The following PEX7 variants were observed in gnomAD, a reference collection of about 807,000 sequenced individuals.
PEX7 encodes PTS2 receptor.
Under a neutral mutation model 47.5 loss-of-function variants are expected in PEX7, and 34 were observed. The ratio of observed to expected loss-of-function variants is 0.72; its 90% confidence interval spans 0.54 to 0.95. The LOEUF is 0.95. Ranked by LOEUF, PEX7 falls within the 40% of genes least tolerant of loss-of-function variation. PEX7 has a pLI of 0.00. For synonymous variants in PEX7, 141 were observed against 148.8 expected (o/e 0.95, Z 0.38); for missense variants, 394 against 400.3 (o/e 0.98, Z 0.13).
In PEX7 at chr6:136,909,499, C is replaced by A. The variant is rs531695788; in HGVS notation, c.904-3959C>A. On this transcript the variant is annotated intron_variant, in intron 9 of 9. Transcript: ENST00000318471. ...TAATTAATAAGAGGTCCCCTGGGGA[C>A]CACATGGCACAATAGTTTTTCCTTA... Among the ~76,000 whole-genome samples the A allele has an allele frequency of 2.0e-5, 3 of 152,240 alleles. No individual in the cohort carries two copies. The East Asian group carries it at 5.8e-4, about 29-fold the overall frequency.
At chr6:136,856,183 C>G (rs968980504) in intron 5 of PEX7, among the ~76,000 whole-genome samples, 1 of 150,842 alleles carries the variant, frequency 6.6e-6, no homozygotes, top group African/African-American at 2.4e-5. Context: ...AACAGAATGA[C>G]TGTTTGCTTC....
At chr6:136,840,056 A>G (rs1235213293) in intron 3 of PEX7, among the ~76,000 whole-genome samples, 1 of 152,214 alleles carries the variant, frequency 6.6e-6, no homozygotes, top group Non-Finnish European at 1.5e-5. Flanking sequence ...CAAATGAAAG[A>G]GCATGCTTGA....
chr6:136,825,296 G>A lies in PEX7; in HGVS notation c.188+25G>A, dbSNP rs370604445. ...GGTAAGGGGGCTGAAATTATTAAAG[G>A]TATATATTGTTGCTATTAAAGCCTT... is the stretch of plus-strand genomic sequence containing the variant. On this transcript the variant is annotated intron_variant, in intron 2 of 9. Transcript: ENST00000318471. 3.8e-6 allele frequency: 6 copies of A among 1,561,838 alleles called. No homozygotes were observed. The African/African-American group carries it at 4.1e-5, about 11-fold the overall frequency.
chr6:136,867,769 C>G (rs988241163), intron 6 of PEX7, among the ~76,000 whole-genome samples: 3 of 130,724 alleles, frequency 2.3e-5, no homozygotes, highest in Non-Finnish European at 3.3e-5. Context: ...GAGCAAGACT[C>G]CATCTCAAAA....
chr6:136,884,572 A>G (rs1775435253), intron 8 of PEX7, among the ~76,000 whole-genome samples: 1 of 152,176 alleles, frequency 6.6e-6, no homozygotes, highest in South Asian at 2.1e-4. Context: ...TGGGTGTTAT[A>G]TCAAAACTGA....
chr6:136,833,584 A>G (rs1163552967), intron 3 of PEX7, among the ~76,000 whole-genome samples: 1 of 152,102 alleles, frequency 6.6e-6, no homozygotes, highest in Non-Finnish European at 1.5e-5. Context: ...TTCTTTTTGC[A>G]TATTTAGTCA....
At chr6:136,827,504 T>TTGTGTGTGTGTGTG (rs5880309) in intron 3 of PEX7, among the ~76,000 whole-genome samples, 3 of 140,930 alleles carry the variant, frequency 2.1e-5, no homozygotes, top group Admixed American at 1.4e-4. Flanking sequence ...CTGTGTGAAT[T>TTGTGTGTGTGTGTG]TGTGTGTGTG....
intron 1 of PEX7, among the ~76,000 whole-genome samples, chr6:136,823,765 C>T (rs925938081): frequency 7.9e-5 from 12 of 152,254 alleles, no homozygotes; most frequent in Middle Eastern, 6.8e-3. Context: ...TGGCGCATGC[C>T]TGTAATCCCA....
At chr6:136,833,997 C>A (rs567723523) in intron 3 of PEX7, among the ~76,000 whole-genome samples, 1 of 151,950 alleles carries the variant, frequency 6.6e-6, no homozygotes, top group Non-Finnish European at 1.5e-5. Context: ...TAGGGTCCCA[C>A]GTAAATTAAA....
At chr6:136,824,140 A>G (rs1582731390) in intron 1 of PEX7, among the ~76,000 whole-genome samples, 1 of 152,194 alleles carries the variant, frequency 6.6e-6, no homozygotes, top group South Asian at 2.1e-4. Flanking sequence ...TCAGATTTAC[A>G]TGGCCCACCA....
chr6:136,873,366 G>A (rs1032605170), intron 8 of PEX7, among the ~76,000 whole-genome samples: 4 of 152,136 alleles, frequency 2.6e-5, no homozygotes, highest in African/African-American at 7.2e-5. Context: ...TGTGTTACTA[G>A]AGAATTAATG....
intron 5 of PEX7, among the ~76,000 whole-genome samples, chr6:136,849,603 G>T (rs1774698157): frequency 6.6e-6 from 1 of 152,170 alleles, no homozygotes; most frequent in East Asian, 1.9e-4. Flanking sequence ...CCTTCATTTC[G>T]TTATGTATCC....
chr6:136,878,606 A>C (rs1444610856), intron 8 of PEX7, among the ~76,000 whole-genome samples: 2 of 152,016 alleles, frequency 1.3e-5, no homozygotes, highest in African/African-American at 4.8e-5. Context: ...ATGTTTATTG[A>C]TTTGTGTATT....
At chr6:136,897,588 A>G (rs967978920) in intron 8 of PEX7, among the ~76,000 whole-genome samples, 1 of 152,226 alleles carries the variant, frequency 6.6e-6, no homozygotes, top group Non-Finnish European at 1.5e-5. Flanking sequence ...CTGTGCCTCA[A>G]AAAAGAAGAA....
rs145848640 is a variant in PEX7 at position 136,881,140 on chromosome 6, T to C, written c.803+8887T>C. On this transcript the variant is annotated intron_variant, in intron 8 of 9. Transcript: ENST00000318471. ...TAAGAATGAATAAGCCAAAGGGAGA[T>C]AAGTGTAGAGAAAGAACAAAAATTC... 4.3e-4 allele frequency among the ~76,000 whole-genome samples: 66 copies of C among 152,134 alleles called. 1 individual carries two copies. In the East Asian group the frequency reaches 0.012, roughly 27 times the overall value.
intron 3 of PEX7, among the ~76,000 whole-genome samples, chr6:136,838,110 G>A (rs371936469): frequency 3.2e-4 from 49 of 152,272 alleles, no homozygotes; most frequent in African/African-American, 8.2e-4. Context: ...TTAGTAGCCC[G>A]TAATGAAATA....
At chr6:136,847,174 C>G (rs1399471131) in intron 5 of PEX7, among the ~76,000 whole-genome samples, 1 of 149,366 alleles carries the variant, frequency 6.7e-6, no homozygotes, top group Middle Eastern at 3.2e-3. Context: ...CCTTTGCCCA[C>G]TTTTTGATGG....
chr6:136,823,255 CG>C (rs1774118370), intron 1 of PEX7: 1 of 985,278 alleles, frequency 1.0e-6, no homozygotes, highest in Admixed American at 6.1e-5. Context: ...CTGCGACCTG[CG>C]GGCTGGCCTT....
intron 3 of PEX7, among the ~76,000 whole-genome samples, chr6:136,831,384 G>A (rs775415900): frequency 8.5e-5 from 13 of 152,134 alleles, no homozygotes; most frequent in Admixed American, 1.3e-4. Context: ...ACTTCCTACC[G>A]GGTTCCTCCC....
Sources: gnomAD v4.1 joint callset for allele counts (sites outside exome capture counted in the v4.1 genomes callset) on GRCh38, gnomAD v4.1.1 for gene constraint, MANE v1.5 for transcripts, NCBI Gene and HGNC (gene_info 2026-07-23, HGNC 2026-07-21) for gene names.